The following ENPP6 variants were observed in gnomAD, a reference collection of about 807,000 sequenced individuals.
ENPP6 encodes glycerophosphocholine cholinephosphodiesterase ENPP6.
A neutral mutation model predicts 42.0 loss-of-function variants in ENPP6; 32 were observed. The observed-to-expected ratio is 0.76, with a 90% CI of 0.58 to 1.02. ENPP6 has a LOEUF of 1.02. Among genes scored for constraint, ENPP6 ranks in the 50% least tolerant of loss-of-function variants. ENPP6 has a pLI of 0.00. For missense variants in ENPP6, 552 were observed against 566.8 expected (o/e 0.97, Z 0.27); for synonymous variants, 213 against 216.0 (o/e 0.99, Z 0.12).
chr4:184,176,533 G>A (rs1034108678), intron 1 of ENPP6, among the ~76,000 whole-genome samples: 2 of 152,102 alleles, frequency 1.3e-5, no homozygotes. Context: ...TCTCCAGTGG[G>A]CCGCAGTGAG....
At chr4:184,183,976 C>A (rs545251282) in intron 1 of ENPP6, among the ~76,000 whole-genome samples, 1 of 152,338 alleles carries the variant, frequency 6.6e-6, no homozygotes, top group South Asian at 2.1e-4. Flanking sequence ...TGTCTACCAG[C>A]AGGATGTTGG....
chr4:184,113,919 C>CT (rs1359456356), intron 5 of ENPP6, among the ~76,000 whole-genome samples: 45 of 132,068 alleles, frequency 3.4e-4, no homozygotes, highest in African/African-American at 1.2e-3. Context: ...TTCTTTCTTT[C>CT]TTTCTTTCTT....
At chr4:184,102,406 C>G (rs563354992) in intron 6 of ENPP6, among the ~76,000 whole-genome samples, 45 of 152,324 alleles carry the variant, frequency 3.0e-4, no homozygotes, top group African/African-American at 1.1e-3. Context: ...CTTTGGCAAA[C>G]TCTAGGGGCA....
chr4:184,153,880 AT>A (rs35344477), intron 1 of ENPP6, 147 bp from the exon 2 acceptor site: 14,150 of 833,300 alleles, frequency 0.017, 541 homozygotes, highest in South Asian at 0.095. Flanking sequence ...AAAAAATCAG[AT>A]TTTTTTTTCT....
At chr4:184,201,162 T>G (rs1380177232) in intron 1 of ENPP6, among the ~76,000 whole-genome samples, 1 of 152,172 alleles carries the variant, frequency 6.6e-6, no homozygotes, top group Non-Finnish European at 1.5e-5. Flanking sequence ...CTGGTTATCG[T>G]GTGGACACAA....
intron 1 of ENPP6, among the ~76,000 whole-genome samples, chr4:184,166,964 T>C (rs76785692): frequency 0.011 from 1,684 of 152,326 alleles, 24 homozygotes; most frequent in South Asian, 0.081. Context: ...TATGTCTCTT[T>C]CCGTGTCTTG....
At chr4:184,155,156 T>G (rs1045688489) in intron 1 of ENPP6, among the ~76,000 whole-genome samples, 1 of 152,242 alleles carries the variant, frequency 6.6e-6, no homozygotes, top group African/African-American at 2.4e-5. Context: ...GGATAATTCC[T>G]AGTATGTTCT....
chr4:184,132,749 G>A (rs1255598703), intron 2 of ENPP6, among the ~76,000 whole-genome samples: 1 of 151,218 alleles, frequency 6.6e-6, no homozygotes, highest in Non-Finnish European at 1.5e-5. Context: ...GTATTAGATA[G>A]TCAGAAGATG....
At chr4:184,212,684 A>G (rs1733132245) in intron 1 of ENPP6, among the ~76,000 whole-genome samples, 1 of 151,758 alleles carries the variant, frequency 6.6e-6, no homozygotes, top group Admixed American at 6.6e-5. Context: ...TACAGATTCA[A>G]TGCCATCCCC....
At chr4:184,209,418 C>T (rs1296802068) in intron 1 of ENPP6, among the ~76,000 whole-genome samples, 6 of 151,576 alleles carry the variant, frequency 4.0e-5, no homozygotes, top group Admixed American at 1.3e-4. Context: ...AAAACCAAGG[C>T]TCGAGAACTA....
intron 1 of ENPP6, among the ~76,000 whole-genome samples, chr4:184,203,089 C>CAA (rs11305855): frequency 3.4e-5 from 5 of 146,362 alleles, no homozygotes; most frequent in African/African-American, 1.3e-4. Flanking sequence ...ACTAAAAATA[C>CAA]AAAAAAAAAA....
At chr4:184,180,546 G>A (rs28856973) in intron 1 of ENPP6, among the ~76,000 whole-genome samples, 2,977 of 63,396 alleles carry the variant, frequency 0.047, 94 homozygotes, top group African/African-American at 0.078. Flanking sequence ...ACCTGGCAGA[G>A]ATACAAGAAA....
chr4:184,100,943 G>T (rs547185836), intron 6 of ENPP6, among the ~76,000 whole-genome samples: 162 of 152,296 alleles, frequency 1.1e-3, no homozygotes, highest in African/African-American at 3.8e-3. Context: ...TTTAGTGAGG[G>T]AGGAAGGGGG....
At chr4:184,191,689 T>C (rs1732714349) in intron 1 of ENPP6, among the ~76,000 whole-genome samples, 2 of 152,200 alleles carry the variant, frequency 1.3e-5, no homozygotes, top group African/African-American at 2.4e-5. Flanking sequence ...TAAAGATCAA[T>C]TGAAGGCATC....
intron 6 of ENPP6, among the ~76,000 whole-genome samples, chr4:184,100,697 G>T (rs1735986256): frequency 6.6e-6 from 1 of 152,180 alleles, no homozygotes; most frequent in African/African-American, 2.4e-5. Flanking sequence ...CAACTGGTGG[G>T]GAGGGAATTC....
chr4:184,144,264 G>A (rs1275416548), intron 2 of ENPP6, among the ~76,000 whole-genome samples: 1 of 152,198 alleles, frequency 6.6e-6, no homozygotes, highest in Non-Finnish European at 1.5e-5. Flanking sequence ...ACTTTGCCAG[G>A]ACTCCTCCCT....
intron 7 of ENPP6, among the ~76,000 whole-genome samples, chr4:184,092,830 T>C (rs1285426635): frequency 6.6e-6 from 1 of 152,214 alleles, no homozygotes; most frequent in Non-Finnish European, 1.5e-5. Flanking sequence ...TTTAAGATAT[T>C]AGAAATAATC....
At chr4:184,190,739 A>G (rs1328220682) in intron 1 of ENPP6, among the ~76,000 whole-genome samples, 3 of 151,936 alleles carry the variant, frequency 2.0e-5, no homozygotes, top group Non-Finnish European at 4.4e-5. Flanking sequence ...GGTCCCCATA[A>G]CCAAGTATAA....
rs145587657 is a variant in ENPP6, at chr4:184,157,546, T to G, written c.242-3813A>C. On this transcript the variant is annotated intron_variant, in intron 1 of 7. Transcript: ENST00000296741. ...TTCTTTCTTTCTCTCTCTCCTTTCT[T>G]TCCTTTCTCTCTTTCTTTCCTTTCT... Among the ~76,000 whole-genome samples the G allele has an allele frequency of 4.3e-3, 649 of 149,240 alleles. 2 individuals are homozygous for G. Among genetic ancestry groups the G allele is most frequent in the Non-Finnish European group, 7.3e-3 (495 of 67,692 alleles).
Sources: allele counts gnomAD v4.1 joint callset (sites outside exome capture counted in the v4.1 genomes callset), GRCh38; gene constraint gnomAD v4.1.1; transcripts MANE v1.5; gene names NCBI Gene and HGNC (gene_info 2026-07-23, HGNC 2026-07-21).